Variants in ASIC2 observed in about 807,000 individuals in gnomAD.
ASIC2 encodes the protein acid sensing ion channel subunit 2, also known as acid-sensing ion channel 2.
A neutral mutation model predicts 57.3 loss-of-function variants in ASIC2; 25 were observed. The ratio of observed to expected loss-of-function variants is 0.44; its 90% CI spans 0.32 to 0.61. The LOEUF (loss-of-function observed/expected upper bound fraction) is 0.61, where lower values mean the gene tolerates loss of function less well. ASIC2 is among the 20% of genes least tolerant of loss of function. The pLI, the probability that ASIC2 is intolerant of heterozygous loss-of-function variation, is 0.06. For synonymous variants in ASIC2, 319 were observed against 307.5 expected (o/e 1.04, Z -0.39); for missense variants, 641 against 738.1 (o/e 0.87, Z 1.52).
At position 33,739,281 on chromosome 17, in the gene ASIC2, C is replaced by G. The variant is rs771043864; in HGVS notation, c.555+416697G>C. 3.9e-4 allele frequency among the ~76,000 whole-genome samples: 59 copies of G among 152,042 alleles called. 1 individual carries two copies. The highest frequency in any genetic ancestry group is 6.6e-4 in the Non-Finnish European group (45 of 67,972). ...TCCCAAAGTGATCCATGGGTCAAACCAAAAAGAGGGGATTTGAGTCCATCA... is the reference window on the plus strand; with the variant it reads ...TCCCAAAGTGATCCATGGGTCAAACGAAAAAGAGGGGATTTGAGTCCATCA... On this transcript the variant is annotated intron_variant, in intron 1 of 9. Coordinates refer to the ASIC2 transcript ENST00000359872.
chr17:33,635,446 G>C (rs1211365705), intron 1 of ASIC2, among the ~76,000 whole-genome samples: 1 of 152,186 alleles, frequency 6.6e-6, no homozygotes, highest in Non-Finnish European at 1.5e-5. Flanking sequence ...TGTACTCTTA[G>C]GTTGGCTGGT....
At chr17:33,441,286 C>T (rs149872628) in intron 1 of ASIC2, among the ~76,000 whole-genome samples, 28 of 152,186 alleles carry the variant, frequency 1.8e-4, no homozygotes, top group African/African-American at 5.3e-4. Context: ...CTTAATGATG[C>T]CTCTTGAAAA....
intron 1 of ASIC2, among the ~76,000 whole-genome samples, chr17:33,843,611 A>C (rs1913500728): frequency 6.6e-6 from 1 of 152,208 alleles, no homozygotes; most frequent in Non-Finnish European, 1.5e-5. Context: ...CACTGGGAAA[A>C]CCCTGATTCA....
chr17:33,450,662 T>C (rs1179504825), intron 1 of ASIC2, among the ~76,000 whole-genome samples: 4 of 152,340 alleles, frequency 2.6e-5, no homozygotes, highest in Admixed American at 6.5e-5. Flanking sequence ...TTTTATGTCA[T>C]ATATTTTGTT....
chr17:33,726,351 A>C (rs952821734), intron 1 of ASIC2, among the ~76,000 whole-genome samples: 1 of 152,320 alleles, frequency 6.6e-6, no homozygotes. Flanking sequence ...CGCTGAACCC[A>C]GTCAGCTCAT....
intron 1 of ASIC2, among the ~76,000 whole-genome samples, chr17:34,142,525 C>T (rs981804859): frequency 3.9e-5 from 6 of 152,170 alleles, no homozygotes; most frequent in African/African-American, 7.2e-5. Flanking sequence ...AAACAACATA[C>T]TCAGGGTCAT....
chr17:33,279,755 C>T (rs988719549), intron 1 of ASIC2, among the ~76,000 whole-genome samples: 9 of 152,074 alleles, frequency 5.9e-5, no homozygotes, highest in East Asian at 3.9e-4. Flanking sequence ...GTTGTGGTGG[C>T]GTGCATTGAA....
intron 1 of ASIC2, among the ~76,000 whole-genome samples, chr17:33,251,484 C>T (rs1379135441): frequency 6.6e-6 from 1 of 152,128 alleles, no homozygotes; most frequent in Non-Finnish European, 1.5e-5. Flanking sequence ...TGTATGCCAC[C>T]ATGCTCGTCT....
chr17:34,137,243 G>A (rs72822963), intron 1 of ASIC2, among the ~76,000 whole-genome samples: 2 of 152,336 alleles, frequency 1.3e-5, no homozygotes, highest in Non-Finnish European at 2.9e-5. Context: ...CAGACAAAAT[G>A]AATGAATAAG....
At chr17:33,319,421 C>A (rs1376914357) in intron 1 of ASIC2, among the ~76,000 whole-genome samples, 1 of 152,182 alleles carries the variant, frequency 6.6e-6, no homozygotes, top group African/African-American at 2.4e-5. Flanking sequence ...CACCCTAGGA[C>A]AGCCAGTGAT....
chr17:33,251,714 G>A (rs553928154), intron 1 of ASIC2, among the ~76,000 whole-genome samples: 3 of 152,206 alleles, frequency 2.0e-5, no homozygotes, highest in African/African-American at 7.2e-5. Context: ...TTTGCATATG[G>A]GGAAACTGAG....
chr17:33,413,834 G>C (rs1236924353), intron 1 of ASIC2, among the ~76,000 whole-genome samples: 1 of 152,208 alleles, frequency 6.6e-6, no homozygotes, highest in Non-Finnish European at 1.5e-5. Flanking sequence ...ACTCTGCCTT[G>C]CTCCTTCTGG....
At chr17:34,000,472 C>T (rs980798788) in intron 1 of ASIC2, among the ~76,000 whole-genome samples, 7 of 152,000 alleles carry the variant, frequency 4.6e-5, no homozygotes, top group Non-Finnish European at 1.0e-4. Flanking sequence ...AGGCTGATCT[C>T]GAACTTCTGA....
chr17:33,151,876 G>A (rs1034320693), intron 1 of ASIC2, among the ~76,000 whole-genome samples: 4 of 152,170 alleles, frequency 2.6e-5, no homozygotes, highest in Admixed American at 2.6e-4. Flanking sequence ...CACAAAATGG[G>A]CTAAGACACT....
At chr17:33,155,780 C>A (rs973265918) in intron 1 of ASIC2, among the ~76,000 whole-genome samples, 1 of 151,828 alleles carries the variant, frequency 6.6e-6, no homozygotes, top group Non-Finnish European at 1.5e-5. Context: ...GGCTGGTCTC[C>A]AACTCCTGAC....
intron 1 of ASIC2, among the ~76,000 whole-genome samples, chr17:33,113,204 G>A (rs2141988632): frequency 6.6e-6 from 1 of 152,290 alleles, no homozygotes; most frequent in East Asian, 1.9e-4. Context: ...TTAGTAGTGT[G>A]ACTTTAAGTG....
At chr17:33,062,624 AG>A (rs2092025607) in intron 3 of ASIC2, among the ~76,000 whole-genome samples, 1 of 152,184 alleles carries the variant, frequency 6.6e-6, no homozygotes, top group Admixed American at 6.5e-5. Context: ...GGTGCTGAGA[AG>A]AATGTATATT....
intron 1 of ASIC2, among the ~76,000 whole-genome samples, chr17:33,406,300 A>C (rs1597717032): frequency 6.6e-6 from 1 of 152,320 alleles, no homozygotes; most frequent in Non-Finnish European, 1.5e-5. Context: ...GAGAACATTA[A>C]GGTGCTGTGT....
chr17:33,841,402 C>A lies in ASIC2; in HGVS notation c.555+314576G>T, dbSNP rs190032510. Reference sequence around the variant, plus strand: ...TTTCAATAAAAGTCTAAAAGCCAGGCTTTAAGCCTAAAGTGCTGGAGGCTA... The same window carrying A: ...TTTCAATAAAAGTCTAAAAGCCAGGATTTAAGCCTAAAGTGCTGGAGGCTA... On this transcript the variant is annotated intron_variant, in intron 1 of 9. Transcript: ENST00000359872. Among the ~76,000 whole-genome samples the A allele has an allele frequency of 1.2e-4, 19 of 152,262 alleles. No homozygotes were observed. In the East Asian group the frequency reaches 3.7e-3, roughly 29 times the overall value.
Sources: gnomAD v4.1 joint callset for allele counts (sites outside exome capture counted in the v4.1 genomes callset) on GRCh38, gnomAD v4.1.1 for gene constraint, MANE v1.5 for transcripts, NCBI Gene and HGNC (gene_info 2026-07-23, HGNC 2026-07-21) for gene names.